SCN1A: variants seen among roughly 807,000 people sequenced by gnomAD.
SCN1A encodes sodium channel protein type 1 subunit alpha.
Under a neutral mutation model 193.7 loss-of-function variants are expected in SCN1A, and 13 were observed. The ratio of observed to expected loss-of-function variants is 0.07; its 90% CI spans 0.04 to 0.11. The LOEUF is 0.11. SCN1A is among the 10% of genes least tolerant of loss of function. SCN1A has a pLI of 1.00. For synonymous variants in SCN1A, 781 were observed against 843.6 expected (o/e 0.93, Z 1.29); for missense variants, 1,432 against 2,451.1 (o/e 0.58, Z 8.78).
intron 1 of SCN1A, among the ~76,000 whole-genome samples, chr2:166,148,657 C>T (rs1268152337): frequency 6.6e-6 from 1 of 152,134 alleles, no homozygotes; most frequent in Non-Finnish European, 1.5e-5. Context: ...ATATATATAA[C>T]TCACTTACAA....
chr2:166,013,830 G>C lies in SCN1A; in HGVS notation c.3619C>G (p.Leu1207Val). ...EEGRGKQWWN[L>V]RRTCFRIVEH... Reference sequence around the variant, plus strand: ...ACTATTCGGAAACACGTCCTTCTCAGGTTCCACCATTGTTTTCCTCTGCCT... The same window carrying C: ...ACTATTCGGAAACACGTCCTTCTCACGTTCCACCATTGTTTTCCTCTGCCT... The change falls in exon 21 of 29, where the codon CTG (leucine) becomes GTG (valine). Residue 1207 changes from leucine (L) to valine (V), a missense_variant. Around this residue, in one of 18 missense-constraint regions of SCN1A, gnomAD observed 198 missense variants for 225.8 expected, o/e 0.88. Coordinates refer to ENST00000674923, the MANE Select transcript of SCN1A (RefSeq NM_001165963.4). 1 of 1,612,434 alleles carries C rather than the reference G, an allele frequency of 6.2e-7. No homozygotes were observed. Among genetic ancestry groups the C allele is most frequent in the Non-Finnish European group, 8.5e-7 (1 of 1,178,784 alleles).
At chr2:166,143,198 G>A (rs1300999635) in intron 1 of SCN1A, among the ~76,000 whole-genome samples, 3 of 81,512 alleles carry the variant, frequency 3.7e-5, no homozygotes, top group East Asian at 6.7e-4. Flanking sequence ...ATGGAGTTTC[G>A]CTCTGTCGCC....
chr2:166,028,116 G>A (rs548896431), intron 19 of SCN1A, among the ~76,000 whole-genome samples: 2 of 152,154 alleles, frequency 1.3e-5, no homozygotes, highest in South Asian at 4.1e-4. Context: ...GGAGGAATAC[G>A]GCTCTAATAT....
chr2:166,116,120 A>C (rs1689833360), intron 2 of SCN1A, among the ~76,000 whole-genome samples: 1 of 152,240 alleles, frequency 6.6e-6, no homozygotes, highest in Non-Finnish European at 1.5e-5. Flanking sequence ...AGCCATGCTG[A>C]ATAACTGAAT....
chr2:166,073,703 G>C, intron 3 of SCN1A, 33 bp from the exon 4 acceptor site: 1 of 1,450,740 alleles, frequency 6.9e-7, no homozygotes. Flanking sequence ...ATTTTAAAGA[G>C]TGGACTAAGA....
intron 9 of SCN1A, among the ~76,000 whole-genome samples, chr2:166,050,069 C>T (rs1462113045): frequency 1.3e-5 from 2 of 151,878 alleles, no homozygotes; most frequent in Non-Finnish European, 2.9e-5. Flanking sequence ...ATTCTGACTT[C>T]CTTGAACCTA....
intron 12 of SCN1A, 105 bp from the exon 13 acceptor site, chr2:166,045,432 C>A: frequency 1.6e-6 from 2 of 1,262,396 alleles, no homozygotes; most frequent in Non-Finnish European, 2.3e-6. Flanking sequence ...ATTGAACTGA[C>A]TGAAGATCAT....
At chr2:166,005,273 A>G (rs1196612408) in intron 23 of SCN1A, among the ~76,000 whole-genome samples, 1 of 151,480 alleles carries the variant, frequency 6.6e-6, no homozygotes, top group African/African-American at 2.4e-5. Context: ...TGGGTTAATG[A>G]AGCAAAGTTT....
chr2:166,107,095 G>T (rs2106175798), intron 2 of SCN1A, among the ~76,000 whole-genome samples: 1 of 152,108 alleles, frequency 6.6e-6, no homozygotes, highest in South Asian at 2.1e-4. Context: ...TTAACTACTT[G>T]TATAGACCAA....
At chr2:165,995,920 C>A (rs977702345) in intron 27 of SCN1A, 93 bp downstream of exon 27, 11 of 845,160 alleles carry the variant, frequency 1.3e-5, no homozygotes, top group South Asian at 2.9e-5. Flanking sequence ...GAAATTTTTT[C>A]TACTGGAAAT....
chr2:166,003,096 A>G (rs1446587466), intron 23 of SCN1A, among the ~76,000 whole-genome samples: 1 of 151,482 alleles, frequency 6.6e-6, no homozygotes, highest in Non-Finnish European at 1.5e-5. Context: ...GAAAAGTTAA[A>G]AAGCCTATAC....
upstream of SCN1A, among the ~76,000 whole-genome samples, chr2:166,131,109 CTT>C (rs917098736): frequency 2.6e-5 from 4 of 151,994 alleles, no homozygotes; most frequent in African/African-American, 9.7e-5. Flanking sequence ...AATTTTGTCT[CTT>C]TCTCACTGTT....
intron 7 of SCN1A, chr2:166,053,236 A>G: frequency 4.8e-6 from 3 of 626,336 alleles, no homozygotes; most frequent in Non-Finnish European, 8.5e-6. Context: ...AAATATTATA[A>G]GTGGTAAATC....
At chr2:166,087,414 C>T (rs190426101) in intron 2 of SCN1A, among the ~76,000 whole-genome samples, 6 of 152,108 alleles carry the variant, frequency 3.9e-5, no homozygotes, top group South Asian at 4.2e-4. Context: ...GGAGAGGTTG[C>T]GGTGAGCCAA....
intron 2 of SCN1A, among the ~76,000 whole-genome samples, chr2:166,122,912 A>G (rs553310018): frequency 6.6e-6 from 1 of 152,308 alleles, no homozygotes; most frequent in South Asian, 2.1e-4. Context: ...GTTTGTAGGT[A>G]GAGCACCAAA....
rs185129472 is a variant in SCN1A, at chr2:166,029,028, G to C, written c.3429+7020C>G. On this transcript the variant is annotated intron_variant, in intron 19 of 28. Transcript: ENST00000674923. ...AGAGTAAGAGAGTATTCCTGTCAGA[G>C]AGAAAAGGTATAACGATGAGAACTG... 4.6e-3 allele frequency among the ~76,000 whole-genome samples: 694 copies of C among 152,238 alleles called. 2 individuals are homozygous for C. The highest frequency in any genetic ancestry group is 0.014 in the Middle Eastern group (4 of 294).
At chr2:166,133,078 A>T (rs1177296564) in intron 1 of SCN1A, among the ~76,000 whole-genome samples, 1 of 152,190 alleles carries the variant, frequency 6.6e-6, no homozygotes, top group Non-Finnish European at 1.5e-5. Flanking sequence ...AATGCCAGTT[A>T]TCTCTCTCTC....
chr2:166,065,355 A>G (rs1461733497), intron 4 of SCN1A, among the ~76,000 whole-genome samples: 1 of 152,198 alleles, frequency 6.6e-6, no homozygotes, highest in Admixed American at 6.5e-5. Context: ...GAAGAGCAGC[A>G]TAGATGGTCA....
Position 166,134,062 on chromosome 2 carries a change from T to C in SCN1A, c.-50+14985A>G, listed in dbSNP as rs564874077. 2.0e-5 allele frequency among the ~76,000 whole-genome samples: 3 copies of C among 151,896 alleles called. No homozygotes were observed. In the East Asian group the frequency reaches 5.8e-4, roughly 29 times the overall value. On this transcript the variant is annotated intron_variant, in intron 1 of 26. Transcript: ENST00000635750. ...ATAGACTTCCAACAAAACCCTGGAGTAGAATAAAATAACTTTGTAAACCTC... is the reference window on the plus strand; with the variant it reads ...ATAGACTTCCAACAAAACCCTGGAGCAGAATAAAATAACTTTGTAAACCTC...
Sources: allele counts gnomAD v4.1 joint callset (sites outside exome capture counted in the v4.1 genomes callset), GRCh38; gene constraint gnomAD v4.1.1; regional missense constraint gnomAD v4.1.1; transcripts MANE v1.5; gene names NCBI Gene and HGNC (gene_info 2026-07-23, HGNC 2026-07-21).